UTS2: variants seen among roughly 807,000 people sequenced by gnomAD.
UTS2 encodes urotensin 2, also known as urotensin-2.
In UTS2, 10 loss-of-function variants were observed where a neutral mutation model predicts 12.6. That is an observed-to-expected ratio of 0.80 (90% confidence interval 0.49 to 1.35). UTS2 has a LOEUF of 1.35. UTS2 is among the 40% of genes most tolerant of loss of function. The pLI, the probability that UTS2 is intolerant of heterozygous loss-of-function variation, is 0.00. For synonymous variants in UTS2, 52 were observed against 50.0 expected (o/e 1.04, Z -0.17); for missense variants, 142 against 143.2 (o/e 0.99, Z 0.04).
At chr1:7,890,614 A>G in the UTS2 span, among the ~76,000 whole-genome samples, 4 of 151,978 alleles carry the variant, frequency 2.6e-5, no homozygotes, top group Non-Finnish European at 4.4e-5. Context: ...ATTGACATAG[A>G]AAGATGCTCA....
the UTS2 span, among the ~76,000 whole-genome samples, chr1:7,861,775 G>A: frequency 3.9e-5 from 6 of 152,288 alleles, no homozygotes; most frequent in Middle Eastern, 6.8e-3. Context: ...TAGGTACAGC[G>A]TCTGGCAGGT....
chr1:7,857,116 G>GAAGGAAGGAAGGAAGA (rs1477238658), upstream of UTS2, among the ~76,000 whole-genome samples: 10 of 150,694 alleles, frequency 6.6e-5, 1 homozygote, highest in African/African-American at 2.2e-4. Flanking sequence ...ATGAAGGAAG[G>GAAGGAAGGAAGGAAGA]AAGGAAGGAA....
chr1:7,902,788 G>A, the UTS2 span, among the ~76,000 whole-genome samples: 32 of 152,102 alleles, frequency 2.1e-4, no homozygotes, highest in African/African-American at 7.7e-4. Flanking sequence ...GGCCACTGGC[G>A]GCGTGGTTTC....
At chr1:7,863,015 A>G in the UTS2 span, among the ~76,000 whole-genome samples, 47 of 22,224 alleles carry the variant, frequency 2.1e-3, no homozygotes, top group Non-Finnish European at 3.8e-3. Flanking sequence ...ATTGTATTGT[A>G]TTGTATTGTA....
the UTS2 span, among the ~76,000 whole-genome samples, chr1:7,872,677 A>G: frequency 6.6e-6 from 1 of 152,246 alleles, no homozygotes; most frequent in Non-Finnish European, 1.5e-5. Context: ...AGGTTGGTTC[A>G]TGAGGTTTAA....
upstream of UTS2, among the ~76,000 whole-genome samples, chr1:7,855,667 GCCA>G (rs1281665630): frequency 6.9e-6 from 1 of 145,818 alleles, no homozygotes; most frequent in Non-Finnish European, 1.5e-5. Context: ...ACAGGTGTGA[GCCA>G]CCACATCTGG....
the UTS2 span, among the ~76,000 whole-genome samples, chr1:7,885,715 G>A: frequency 2.0e-5 from 3 of 152,062 alleles, no homozygotes; most frequent in South Asian, 6.2e-4. Context: ...AGGAGTGGGC[G>A]TGGCAAGGGA....
At chr1:7,881,791 G>T in the UTS2 span, among the ~76,000 whole-genome samples, 3 of 152,142 alleles carry the variant, frequency 2.0e-5, no homozygotes, top group East Asian at 1.9e-4. Flanking sequence ...CCTAAAATTC[G>T]TATGGGACCA....
chr1:7,857,545 AT>A (rs982539031), upstream of UTS2, among the ~76,000 whole-genome samples: 5 of 151,448 alleles, frequency 3.3e-5, no homozygotes, highest in Non-Finnish European at 4.4e-5. Flanking sequence ...AAATAAAGGG[AT>A]TTTTTTCTTT....
At chr1:7,889,994 G>C in the UTS2 span, among the ~76,000 whole-genome samples, 1 of 151,962 alleles carries the variant, frequency 6.6e-6, no homozygotes, top group Non-Finnish European at 1.5e-5. Context: ...TTGAACCCGG[G>C]AGGCGGATCT....
upstream of UTS2, among the ~76,000 whole-genome samples, chr1:7,857,335 C>A (rs773719565): frequency 6.6e-6 from 1 of 152,042 alleles, no homozygotes; most frequent in South Asian, 2.1e-4. Flanking sequence ...TGTAATTCAA[C>A]CTTTTGGCCT....
At chr1:7,863,684 GT>G in the UTS2 span, among the ~76,000 whole-genome samples, 1 of 152,144 alleles carries the variant, frequency 6.6e-6, no homozygotes. Context: ...TCTGTATTTA[GT>G]TTTATCTGAT....
chr1:7,901,967 G>A, the UTS2 span, among the ~76,000 whole-genome samples: 18,390 of 152,160 alleles, frequency 0.12, 2,467 homozygotes, highest in East Asian at 0.55. Context: ...GAAATCCAGC[G>A]ACCCTAGAGG....
chr1:7,860,523 G>T, the UTS2 span, among the ~76,000 whole-genome samples: 1 of 151,964 alleles, frequency 6.6e-6, no homozygotes, highest in Non-Finnish European at 1.5e-5. Flanking sequence ...GAGATAGGAG[G>T]TCCATTTTGA....
the UTS2 span, among the ~76,000 whole-genome samples, chr1:7,875,054 T>C: frequency 1.4e-5 from 1 of 70,142 alleles, no homozygotes; most frequent in Non-Finnish European, 2.7e-5. Context: ...TTTTTTTCTT[T>C]ATTTTTTTTT....
At chr1:7,887,040 CAAAAAAAAAAAA>C in the UTS2 span, among the ~76,000 whole-genome samples, 20 of 34,724 alleles carry the variant, frequency 5.8e-4, no homozygotes, top group South Asian at 4.2e-3. Flanking sequence ...GACTCCGTCT[CAAAAAAAAAAAA>C]AAAAAAAAAA....
chr1:7,911,480 A>G, the UTS2 span, among the ~76,000 whole-genome samples: 1 of 152,190 alleles, frequency 6.6e-6, no homozygotes, highest in Non-Finnish European at 1.5e-5. Context: ...ACCAGGGTTT[A>G]GAGGATTATG....
At chr1:7,883,479 A>G in the UTS2 span, among the ~76,000 whole-genome samples, 1 of 152,240 alleles carries the variant, frequency 6.6e-6, no homozygotes, top group Non-Finnish European at 1.5e-5. Flanking sequence ...TAATGTAACT[A>G]TGGTTACATT....
chr1:7,888,761 G>C, the UTS2 span, among the ~76,000 whole-genome samples: 17 of 152,312 alleles, frequency 1.1e-4, no homozygotes, highest in Non-Finnish European at 1.8e-4. Flanking sequence ...AGGAATACTT[G>C]AGTCAACCAA....
Sources: gnomAD v4.1 joint callset for allele counts (sites outside exome capture counted in the v4.1 genomes callset) on GRCh38, gnomAD v4.1.1 for gene constraint, MANE v1.5 for transcripts, NCBI Gene and HGNC (gene_info 2026-07-23, HGNC 2026-07-21) for gene names.